The following ADAMTS17 variants were observed in gnomAD, a reference collection of about 807,000 sequenced individuals.
The protein encoded by ADAMTS17 is A disintegrin and metalloproteinase with thrombospondin motifs 17.
In ADAMTS17, 113 loss-of-function variants were observed where a neutral mutation model predicts 141.5. That is an observed-to-expected ratio of 0.80 (90% CI 0.69 to 0.93). ADAMTS17 has a LOEUF of 0.93. Among genes scored for constraint, ADAMTS17 ranks in the 40% least tolerant of loss-of-function variants. The probability of loss-of-function intolerance (pLI) is 0.00; values close to 1 mark genes in which losing one functional copy is unlikely to be tolerated. For missense variants in ADAMTS17, 1,659 were observed against 1,517.9 expected (o/e 1.09, Z -1.54); for synonymous variants, 768 against 630.6 (o/e 1.22, Z -3.27).
At chr15:100,102,401 A>C (rs1433324113) in intron 14 of ADAMTS17, among the ~76,000 whole-genome samples, 10 of 96,018 alleles carry the variant, frequency 1.0e-4, no homozygotes, top group Middle Eastern at 5.2e-3. Context: ...ACCGAAGGGG[A>C]TCTACATTTG....
At chr15:100,306,682 T>C (rs1229158690) in intron 3 of ADAMTS17, 29 of 425,650 alleles carry the variant, frequency 6.8e-5, no homozygotes, top group South Asian at 3.9e-4. Context: ...GGGTAGCTCA[T>C]CGTGCAGCAA....
At chr15:100,269,590 C>T (rs986752248) in intron 4 of ADAMTS17, among the ~76,000 whole-genome samples, 3 of 152,186 alleles carry the variant, frequency 2.0e-5, no homozygotes, top group Non-Finnish European at 4.4e-5. Flanking sequence ...ACTCACTCTG[C>T]CCGCCCTCGC....
chr15:99,984,363 T>G (rs1212083958), intron 20 of ADAMTS17, among the ~76,000 whole-genome samples: 1 of 152,190 alleles, frequency 6.6e-6, no homozygotes, highest in African/African-American at 2.4e-5. Context: ...GTGAGACAGC[T>G]GCCCCACGCC....
At chr15:100,335,082 C>T (rs540177569) in intron 2 of ADAMTS17, among the ~76,000 whole-genome samples, 4 of 152,230 alleles carry the variant, frequency 2.6e-5, no homozygotes, top group Admixed American at 6.5e-5. Context: ...CATCAGCACC[C>T]CCGGGGGAAC....
intron 7 of ADAMTS17, among the ~76,000 whole-genome samples, chr15:100,219,306 A>G: frequency 6.6e-6 from 1 of 152,178 alleles, no homozygotes; most frequent in Non-Finnish European, 1.5e-5. Flanking sequence ...AATATACTAA[A>G]AACCACTTTA....
chr15:100,314,793 A>T (rs2045510395), intron 3 of ADAMTS17, among the ~76,000 whole-genome samples: 1 of 152,196 alleles, frequency 6.6e-6, no homozygotes, highest in Admixed American at 6.5e-5. Context: ...CCACAAAGAC[A>T]GGAGGCTGGG....
chr15:100,267,611 G>A (rs1480012838), intron 4 of ADAMTS17, among the ~76,000 whole-genome samples: 6 of 152,084 alleles, frequency 3.9e-5, no homozygotes, highest in East Asian at 3.9e-4. Flanking sequence ...TTTGGGATAC[G>A]AATCACCCCA....
At chr15:100,240,576 G>T (rs1483585063) in intron 7 of ADAMTS17, among the ~76,000 whole-genome samples, 1 of 152,158 alleles carries the variant, frequency 6.6e-6, no homozygotes, top group Non-Finnish European at 1.5e-5. Flanking sequence ...CATCAGTCCA[G>T]AGGGCACCCG....
chr15:100,070,569 G>C (rs1328367807), intron 15 of ADAMTS17, among the ~76,000 whole-genome samples: 1 of 149,934 alleles, frequency 6.7e-6, no homozygotes, highest in Non-Finnish European at 1.5e-5. Context: ...AATCAAACTA[G>C]AACTCAGGAT....
chr15:100,255,629 C>T (rs1244170906), intron 6 of ADAMTS17, among the ~76,000 whole-genome samples: 2 of 151,874 alleles, frequency 1.3e-5, no homozygotes, highest in Non-Finnish European at 2.9e-5. Flanking sequence ...CACACACACA[C>T]ACACACACAC....
chr15:100,159,796 C>G (rs1395073194), intron 8 of ADAMTS17, among the ~76,000 whole-genome samples: 1 of 152,242 alleles, frequency 6.6e-6, no homozygotes, highest in East Asian at 1.9e-4. Context: ...CTACTTGGAA[C>G]ATGATCTTGC....
rs78898149 is a variant in ADAMTS17 at position 100,283,300 on chromosome 15, C to G, written c.617-1899G>C. Among the ~76,000 whole-genome samples, 819 of 152,314 alleles carry G rather than the reference C, an allele frequency of 5.4e-3. 15 individuals are homozygous for G. In the East Asian group the frequency reaches 0.067, roughly 13 times the overall value. On this transcript the variant is annotated intron_variant, in intron 3 of 21. Transcript: ENST00000268070. ...TCCATTCTAACACAAAATCAAGGTC[C>G]TAGGTGGCTGTGCCTTTGCACATTG...
At chr15:100,214,727 C>A (rs1265778724) in intron 7 of ADAMTS17, among the ~76,000 whole-genome samples, 1 of 152,200 alleles carries the variant, frequency 6.6e-6, no homozygotes, top group Non-Finnish European at 1.5e-5. Flanking sequence ...CTCGGCCCAC[C>A]ATCCACGCAG....
At chr15:99,985,862 T>G (rs1218360918) in intron 20 of ADAMTS17, among the ~76,000 whole-genome samples, 2 of 152,160 alleles carry the variant, frequency 1.3e-5, no homozygotes, top group African/African-American at 4.8e-5. Context: ...CTGATCCCAA[T>G]AAAAGTAGTC....
chr15:100,084,462 A>C (rs559410936), intron 15 of ADAMTS17, among the ~76,000 whole-genome samples: 2 of 152,326 alleles, frequency 1.3e-5, no homozygotes, highest in South Asian at 4.1e-4. Flanking sequence ...TGCAGACTTA[A>C]ATGTCCCTTT....
chr15:100,292,709 T>A (rs1003518041), intron 3 of ADAMTS17, among the ~76,000 whole-genome samples: 5 of 152,256 alleles, frequency 3.3e-5, no homozygotes, highest in Non-Finnish European at 5.9e-5. Flanking sequence ...ATTTGTTAAC[T>A]ATCTTGCCCA....
chr15:100,247,616 G>A (rs1320903533), intron 7 of ADAMTS17, among the ~76,000 whole-genome samples: 1 of 152,176 alleles, frequency 6.6e-6, no homozygotes, highest in East Asian at 1.9e-4. Context: ...ATATGTTTGT[G>A]TTTATGCATA....
rs1158339768 is a variant in ADAMTS17, at chr15:99,997,953, G to GCT, written c.2592-366_2592-365dup. ...GGATGCTGGCGGCGTCCCGGCAGAAGCTCTGAATGTGGTTATGTGGTTTGG... is the reference window on the plus strand; with the variant it reads ...GGATGCTGGCGGCGTCCCGGCAGAAGCTCTCTGAATGTGGTTATGTGGTTTGG... On this transcript the variant is annotated intron_variant, in intron 18 of 21. Transcript: ENST00000268070. This position sits in a 1 kb window ranked among gnomAD's most constrained non-coding sequence, Gnocchi z 4.7. Among the ~76,000 whole-genome samples, 1 of 152,198 alleles carries GCT rather than the reference G, an allele frequency of 6.6e-6. No individual in the cohort carries two copies. The highest frequency in any genetic ancestry group is 1.9e-4 in the East Asian group (1 of 5,198).
chr15:100,265,425 G>A (rs1262626837), intron 4 of ADAMTS17, among the ~76,000 whole-genome samples: 6 of 152,214 alleles, frequency 3.9e-5, no homozygotes, highest in African/African-American at 7.2e-5. Flanking sequence ...TGGAAATTCC[G>A]TCTCCGGCGT....
Sources: allele counts gnomAD v4.1 joint callset (sites outside exome capture counted in the v4.1 genomes callset), GRCh38; gene constraint gnomAD v4.1.1; non-coding constraint Gnocchi (gnomAD v3.1); transcripts MANE v1.5; gene names NCBI Gene and HGNC (gene_info 2026-07-23, HGNC 2026-07-21).